PCTP: variants seen among roughly 807,000 people sequenced by gnomAD.
The protein encoded by PCTP is START domain-containing protein 2.
In PCTP, 27 loss-of-function variants were observed where a neutral mutation model predicts 31.0. The observed-to-expected ratio is 0.87, with a 90% CI of 0.64 to 1.20. PCTP has a LOEUF of 1.20. Among genes scored for constraint, PCTP ranks in the 50% most tolerant of loss-of-function variants. The pLI is 0.00. For synonymous variants in PCTP, 108 were observed against 101.2 expected (o/e 1.07, Z -0.40); for missense variants, 287 against 268.2 (o/e 1.07, Z -0.49).
the PCTP span, among the ~76,000 whole-genome samples, chr17:55,850,910 A>G: frequency 2.6e-5 from 4 of 152,230 alleles, no homozygotes; most frequent in African/African-American, 9.6e-5. Flanking sequence ...TAGTGATTCT[A>G]AAACCCACCT....
At chr17:55,808,099 A>G (rs1211082095) in intron 3 of PCTP, among the ~76,000 whole-genome samples, 1 of 152,172 alleles carries the variant, frequency 6.6e-6, no homozygotes, top group Non-Finnish European at 1.5e-5. Context: ...TCCTCTGAAC[A>G]ACAACCTGAG....
intron 3 of PCTP, among the ~76,000 whole-genome samples, chr17:55,799,262 C>T (rs1431549140): frequency 1.3e-5 from 2 of 152,002 alleles, no homozygotes; most frequent in Non-Finnish European, 2.9e-5. Flanking sequence ...TTAAAAGAGA[C>T]ATAATTTAAA....
chr17:55,824,261 C>T (rs1174527813), downstream of PCTP, among the ~76,000 whole-genome samples: 1 of 152,012 alleles, frequency 6.6e-6, no homozygotes, highest in East Asian at 1.9e-4. Flanking sequence ...GTGTACCCAC[C>T]TGCCTGTTAA....
intron 2 of PCTP, among the ~76,000 whole-genome samples, chr17:55,783,702 C>T (rs1365754018): frequency 1.3e-5 from 2 of 152,260 alleles, no homozygotes; most frequent in South Asian, 4.1e-4. Flanking sequence ...ATATTTTAGG[C>T]CTGGTATTGA....
chr17:55,793,390 G>A (rs1008368773), intron 3 of PCTP, among the ~76,000 whole-genome samples: 24 of 151,892 alleles, frequency 1.6e-4, no homozygotes, highest in African/African-American at 5.8e-4. Flanking sequence ...TTAATGTTCC[G>A]AATTCTCTGC....
At chr17:55,822,803 C>G in exon 4 of PCTP, 2 of 1,231,394 alleles carry the variant, frequency 1.6e-6, no homozygotes. Flanking sequence ...TCAGAGAGAC[C>G]TCATCAAGTT....
At chr17:55,807,363 T>C (rs1272276831) in intron 3 of PCTP, among the ~76,000 whole-genome samples, 1 of 152,188 alleles carries the variant, frequency 6.6e-6, no homozygotes, top group Non-Finnish European at 1.5e-5. Flanking sequence ...TATGTCTTAG[T>C]TGCTATTCCT....
intron 3 of PCTP, among the ~76,000 whole-genome samples, chr17:55,815,603 C>T (rs537370155): frequency 1.3e-5 from 2 of 152,206 alleles, no homozygotes; most frequent in African/African-American, 2.4e-5. Context: ...TGGTGCTCTT[C>T]GGTAAAATTG....
intron 5 of PCTP, among the ~76,000 whole-genome samples, chr17:55,836,767 A>G (rs753809817): frequency 1.3e-5 from 2 of 152,178 alleles, no homozygotes; most frequent in Non-Finnish European, 2.9e-5. Context: ...TTCCTTGGTC[A>G]CCTCCATGCT....
At chr17:55,810,450 C>G (rs553254914) in intron 3 of PCTP, among the ~76,000 whole-genome samples, 2 of 152,332 alleles carry the variant, frequency 1.3e-5, no homozygotes, top group East Asian at 3.9e-4. Context: ...CCGGGCTTTC[C>G]CATCTACTGA....
At chr17:55,812,007 C>T (rs1912768078) in intron 3 of PCTP, among the ~76,000 whole-genome samples, 1 of 152,150 alleles carries the variant, frequency 6.6e-6, no homozygotes, top group South Asian at 2.1e-4. Context: ...TACATTGAAT[C>T]TTCCTGGTAG....
intron 3 of PCTP, among the ~76,000 whole-genome samples, chr17:55,820,518 A>G (rs1245448130): frequency 6.6e-6 from 1 of 152,192 alleles, no homozygotes; most frequent in Non-Finnish European, 1.5e-5. Flanking sequence ...TCATGAGGTC[A>G]TTAATCTCAT....
At chr17:55,767,600 G>T in intron 2 of PCTP, 148 bp downstream of exon 2, 1 of 474,228 alleles carries the variant, frequency 2.1e-6, no homozygotes, top group East Asian at 3.9e-5. Context: ...GAGTAGCTGG[G>T]ACTACAGGCG....
downstream of PCTP, among the ~76,000 whole-genome samples, chr17:55,844,220 CTCTA>C (rs1424972962): frequency 6.6e-6 from 1 of 152,184 alleles, no homozygotes; most frequent in African/African-American, 2.4e-5. Context: ...CAGCTAACAA[CTCTA>C]TCTGTGCAAG....
chr17:55,841,059 C>T (rs949036910), intron 5 of PCTP, among the ~76,000 whole-genome samples: 1 of 152,110 alleles, frequency 6.6e-6, no homozygotes, highest in African/African-American at 2.4e-5. Flanking sequence ...AAGGTGGGGA[C>T]TACTGTAATT....
At chr17:55,812,043 G>A (rs1027711163) in intron 3 of PCTP, among the ~76,000 whole-genome samples, 4 of 152,132 alleles carry the variant, frequency 2.6e-5, no homozygotes, top group African/African-American at 9.7e-5. Flanking sequence ...GTTGTGATCT[G>A]TATTTTACAG....
intron 3 of PCTP, among the ~76,000 whole-genome samples, chr17:55,799,376 C>A (rs1490018489): frequency 6.7e-6 from 1 of 148,310 alleles, no homozygotes; most frequent in African/African-American, 2.5e-5. Flanking sequence ...GCAGTCCCTG[C>A]TTTTTTTTCT....
intron 3 of PCTP, among the ~76,000 whole-genome samples, chr17:55,817,005 T>A (rs1912941140): frequency 1.3e-5 from 2 of 152,180 alleles, no homozygotes; most frequent in South Asian, 4.1e-4. Flanking sequence ...CCCATTTTAA[T>A]AGAATGTGAA....
At chr17:55,815,739 T>C (rs1248261839) in intron 3 of PCTP, among the ~76,000 whole-genome samples, 2 of 152,198 alleles carry the variant, frequency 1.3e-5, no homozygotes, top group African/African-American at 2.4e-5. Flanking sequence ...AGGTTTGAGG[T>C]TGGCTTGCAT....
Sources: gnomAD v4.1 joint callset for allele counts (sites outside exome capture counted in the v4.1 genomes callset) on GRCh38, gnomAD v4.1.1 for gene constraint, MANE v1.5 for transcripts, NCBI Gene and HGNC (gene_info 2026-07-23, HGNC 2026-07-21) for gene names.